The following CERS3 variants were observed in gnomAD, a reference collection of about 807,000 sequenced individuals.
CERS3 encodes the protein LAG1 homolog, ceramide synthase 3.
In CERS3, 33 loss-of-function variants were observed where a neutral mutation model predicts 50.3. The observed-to-expected ratio is 0.66, with a 90% CI of 0.50 to 0.88. The LOEUF (loss-of-function observed/expected upper bound fraction) is 0.88. Among genes scored for constraint, CERS3 ranks in the 40% least tolerant of loss-of-function variants. The pLI, the probability that CERS3 is intolerant of heterozygous loss-of-function variation, is 0.00. For synonymous variants in CERS3, 176 were observed against 155.2 expected (o/e 1.13, Z -0.99); for missense variants, 470 against 460.3 (o/e 1.02, Z -0.19).
At chr15:100,486,493 C>T (rs961376557) in intron 4 of CERS3, among the ~76,000 whole-genome samples, 1 of 152,216 alleles carries the variant, frequency 6.6e-6, no homozygotes, top group Non-Finnish European at 1.5e-5. Context: ...CTACTGAGTG[C>T]CGTGTCAGTG....
chr15:100,531,709 T>C (rs969531093), upstream of CERS3, among the ~76,000 whole-genome samples: 17 of 152,162 alleles, frequency 1.1e-4, 1 homozygote, highest in Admixed American at 1.0e-3. Context: ...TGCATGCACG[T>C]GGGTATCATT....
intron 1 of CERS3, among the ~76,000 whole-genome samples, chr15:100,536,750 A>G (rs1372975085): frequency 2.0e-5 from 3 of 152,206 alleles, no homozygotes; most frequent in Non-Finnish European, 2.9e-5. Flanking sequence ...TCCTTTACTG[A>G]ACACTGGGCT....
At chr15:100,447,373 G>C (rs1272554882) in intron 11 of CERS3, among the ~76,000 whole-genome samples, 1 of 152,132 alleles carries the variant, frequency 6.6e-6, no homozygotes, top group African/African-American at 2.4e-5. Flanking sequence ...ACTTCCAGTT[G>C]TCTTGCCTTT....
At position 100,439,039 on chromosome 15, in the gene CERS3, T is replaced by G. The variant is rs146134260; in HGVS notation, c.999+16854A>C. On this transcript the variant is annotated intron_variant, in intron 11 of 11. Coordinates refer to ENST00000679737, the MANE Select transcript of CERS3 (RefSeq NM_001378789.1). ...ATATTTTCTGATGTAATGTATGGGCTAGTAGCTCATCACAAAATCAACCAT... is the reference window on the plus strand; with the variant it reads ...ATATTTTCTGATGTAATGTATGGGCGAGTAGCTCATCACAAAATCAACCAT... Among the ~76,000 whole-genome samples the G allele has an allele frequency of 1.8e-3, 272 of 152,344 alleles. 1 individual carries two copies. Among genetic ancestry groups the G allele is most frequent in the South Asian group, 0.017 (83 of 4,824 alleles).
chr15:100,408,204 T>C (rs540824702), intron 11 of CERS3, among the ~76,000 whole-genome samples: 1 of 152,320 alleles, frequency 6.6e-6, no homozygotes, highest in Admixed American at 6.5e-5. Flanking sequence ...CATCCTCAGA[T>C]TTTGGTATGT....
intron 11 of CERS3, among the ~76,000 whole-genome samples, chr15:100,430,930 T>C (rs1312203430): frequency 6.6e-6 from 1 of 152,232 alleles, no homozygotes; most frequent in Non-Finnish European, 1.5e-5. Flanking sequence ...TTGTCTGGAA[T>C]ATGAATTTTC....
intron 11 of CERS3, among the ~76,000 whole-genome samples, chr15:100,432,489 A>G (rs1387348971): frequency 6.6e-6 from 1 of 152,246 alleles, no homozygotes; most frequent in East Asian, 1.9e-4. Flanking sequence ...CAAGCTCAGT[A>G]TGAATTAACA....
intron 8 of CERS3, among the ~76,000 whole-genome samples, chr15:100,473,782 C>A (rs781379222): frequency 6.6e-6 from 1 of 152,192 alleles, no homozygotes; most frequent in Non-Finnish European, 1.5e-5. Flanking sequence ...TATGGCCCAG[C>A]AATTCCACTC....
At chr15:100,541,230 G>T (rs1181798494) in intron 1 of CERS3, among the ~76,000 whole-genome samples, 3 of 152,216 alleles carry the variant, frequency 2.0e-5, no homozygotes, top group Non-Finnish European at 4.4e-5. Flanking sequence ...TGGTTAAGCA[G>T]TGTCCCTCAG....
intron 2 of CERS3, among the ~76,000 whole-genome samples, chr15:100,511,555 G>A (rs1249563883): frequency 7.4e-6 from 1 of 135,800 alleles, no homozygotes; most frequent in African/African-American, 2.8e-5. Flanking sequence ...GCCCTGGAGA[G>A]GAGCATCGTA....
chr15:100,486,901 A>G (rs1345196688), intron 4 of CERS3, among the ~76,000 whole-genome samples: 1 of 152,264 alleles, frequency 6.6e-6, no homozygotes, highest in East Asian at 1.9e-4. Context: ...TTATTCTCCC[A>G]TGACTTCTGC....
intron 1 of CERS3, among the ~76,000 whole-genome samples, chr15:100,541,629 G>C (rs146770010): frequency 1.2e-4 from 18 of 152,240 alleles, no homozygotes; most frequent in African/African-American, 4.1e-4. Flanking sequence ...TTTGTTGGGT[G>C]CTGTTTGAAC....
chr15:100,543,620 C>G (rs2037258240), intron 1 of CERS3, among the ~76,000 whole-genome samples: 1 of 151,656 alleles, frequency 6.6e-6, no homozygotes, highest in Non-Finnish European at 1.5e-5. Flanking sequence ...ACCTCTGCCT[C>G]CTGGGTTCAA....
intron 11 of CERS3, among the ~76,000 whole-genome samples, chr15:100,444,007 T>C (rs2142162007): frequency 6.6e-6 from 1 of 152,284 alleles, no homozygotes; most frequent in East Asian, 1.9e-4. Context: ...CCCTGACTCA[T>C]CCCAACCCTT....
intron 11 of CERS3, among the ~76,000 whole-genome samples, chr15:100,408,019 C>T (rs1596601164): frequency 6.6e-6 from 1 of 152,086 alleles, no homozygotes; most frequent in Admixed American, 6.6e-5. Flanking sequence ...TTACAGGCGG[C>T]CACCACTGTG....
At chr15:100,482,334 G>C (rs929638126) in intron 5 of CERS3, among the ~76,000 whole-genome samples, 3 of 152,160 alleles carry the variant, frequency 2.0e-5, no homozygotes, top group Admixed American at 1.3e-4. Flanking sequence ...GGACTGCAGG[G>C]TGCAGCCAGG....
At chr15:100,466,771 TCCTTCCTTCCTTCCTTCCTTCCTC>T (rs1368020558) in intron 10 of CERS3, among the ~76,000 whole-genome samples, 11 of 26,570 alleles carry the variant, frequency 4.1e-4, no homozygotes, top group African/African-American at 8.6e-4. Flanking sequence ...CTTCCTTCCT[TCCTTCCTTCCTTCCTTCCTTCCTC>T]CCTCCCTCCC....
At chr15:100,414,655 C>T (rs1315418007) in intron 11 of CERS3, among the ~76,000 whole-genome samples, 1 of 151,952 alleles carries the variant, frequency 6.6e-6, no homozygotes, top group Non-Finnish European at 1.5e-5. Flanking sequence ...CTTTGACAAA[C>T]CAGACAAAAA....
intron 11 of CERS3, among the ~76,000 whole-genome samples, chr15:100,429,807 A>G (rs966261803): frequency 4.6e-5 from 7 of 152,192 alleles, no homozygotes; most frequent in South Asian, 2.1e-4. Context: ...CAATATGTGT[A>G]ACACAACCAG....
Sources: allele counts gnomAD v4.1 joint callset (sites outside exome capture counted in the v4.1 genomes callset), GRCh38; gene constraint gnomAD v4.1.1; transcripts MANE v1.5; gene names NCBI Gene and HGNC (gene_info 2026-07-23, HGNC 2026-07-21).